DLGAP2: variants seen among roughly 807,000 people sequenced by gnomAD.
The protein encoded by DLGAP2 is DLG associated protein 2, also known as disks large-associated protein 2.
DLGAP2 carries 26 observed loss-of-function variants against 100.3 expected under a neutral mutation model. That is an observed-to-expected ratio of 0.26 (90% CI 0.19 to 0.36). The LOEUF (loss-of-function observed/expected upper bound fraction) is 0.36. Ranked by LOEUF, DLGAP2 falls within the 10% of genes least tolerant of loss-of-function variation. The probability of loss-of-function intolerance (pLI) is 1.00; values close to 1 mark genes in which losing one functional copy is unlikely to be tolerated. For synonymous variants in DLGAP2, 886 were observed against 630.1 expected, an observed-to-expected ratio of 1.41 and a Z score of -6.08; for missense variants, 1,858 against 1,453.2, an observed-to-expected ratio of 1.28 and a Z score of -4.53.
chr8:1,009,300 C>T, intron 2 of DLGAP2, among the ~76,000 whole-genome samples: 1 of 152,146 alleles, frequency 6.6e-6, no homozygotes. Flanking sequence ...TAGAATGTTC[C>T]CAGTTTCCAT....
At chr8:1,502,889 C>T (rs939624476) in intron 4 of DLGAP2, among the ~76,000 whole-genome samples, 1 of 152,120 alleles carries the variant, frequency 6.6e-6, no homozygotes, top group South Asian at 2.1e-4. Flanking sequence ...CAGGAGGTAC[C>T]TGGGGTGGTT....
At chr8:1,635,302 C>G (rs367821756) in intron 8 of DLGAP2, among the ~76,000 whole-genome samples, 1 of 152,330 alleles carries the variant, frequency 6.6e-6, no homozygotes, top group South Asian at 2.1e-4. Flanking sequence ...AAACTATCAA[C>G]ATGTACGGGA....
intron 2 of DLGAP2, among the ~76,000 whole-genome samples, chr8:1,053,853 G>T (rs192476560): frequency 3.3e-5 from 5 of 152,264 alleles, no homozygotes; most frequent in Admixed American, 6.5e-5. Flanking sequence ...ATGGATTCCT[G>T]TGCTAGTTAT....
At position 1,236,132 on chromosome 8, in the gene DLGAP2, G is replaced by A. The variant is rs529024158; in HGVS notation, c.74-22719G>A. On this transcript the variant is annotated intron_variant, in intron 2 of 14. Coordinates refer to ENST00000637795, the MANE Select transcript of DLGAP2 (RefSeq NM_001346810.2). The stretch of plus-strand genomic sequence containing the variant: ...ACCATGTCTAGTTCTCTCACATGTT[G>A]CCGTGTCTAGTTCTCTCTCACACAT... Among the ~76,000 whole-genome samples the A allele has an allele frequency of 4.0e-3, 409 of 101,544 alleles. 15 individuals carry two copies. Among genetic ancestry groups the A allele is most frequent in the African/African-American group, 0.017 (384 of 23,068 alleles). The allele number at this position is 101,544 out of a possible 152,430, so 66.6% of individuals were successfully genotyped here.
chr8:1,541,525 G>GC (rs1179522925), intron 4 of DLGAP2, among the ~76,000 whole-genome samples: 1 of 152,168 alleles, frequency 6.6e-6, no homozygotes, highest in African/African-American at 2.4e-5. Context: ...CTGAGGTATA[G>GC]CCTCGGTTTA....
Position 980,080 on chromosome 8 carries a change from G to A in DLGAP2, c.73+72114G>A, listed in dbSNP as rs187272426. Among the ~76,000 whole-genome samples the A allele has an allele frequency of 2.6e-3, 390 of 152,306 alleles. 1 individual carries two copies. The highest frequency in any genetic ancestry group is 9.0e-3 in the African/African-American group (375 of 41,568). ...GACTGGGAAAACGATAGTGCCATTCGTGCATGGGACACCAAGGCCAGACTC... is the reference window on the plus strand; with the variant it reads ...GACTGGGAAAACGATAGTGCCATTCATGCATGGGACACCAAGGCCAGACTC... On this transcript the variant is annotated intron_variant, in intron 2 of 14. Transcript: ENST00000637795.
chr8:1,700,059 G>C (rs1799523862), intron 14 of DLGAP2, among the ~76,000 whole-genome samples: 1 of 152,196 alleles, frequency 6.6e-6, no homozygotes, highest in Non-Finnish European at 1.5e-5. Context: ...AGTCAGGTAA[G>C]AGTCATTGCT....
intron 3 of DLGAP2, among the ~76,000 whole-genome samples, chr8:1,312,500 G>A (rs1800636327): frequency 6.6e-6 from 1 of 152,148 alleles, no homozygotes; most frequent in Admixed American, 6.5e-5. Context: ...AACACACATG[G>A]AGACAAGAAC....
chr8:1,514,360 T>C (rs1800286830), intron 4 of DLGAP2, among the ~76,000 whole-genome samples: 1 of 152,250 alleles, frequency 6.6e-6, no homozygotes, highest in African/African-American at 2.4e-5. Flanking sequence ...GCACACATGG[T>C]TCCTGCTTTC....
At chr8:1,228,554 C>G (rs564927477) in intron 2 of DLGAP2, among the ~76,000 whole-genome samples, 1 of 152,146 alleles carries the variant, frequency 6.6e-6, no homozygotes, top group African/African-American at 2.4e-5. Flanking sequence ...AAATCCTCCA[C>G]AAAATAACTA....
intron 2 of DLGAP2, among the ~76,000 whole-genome samples, chr8:942,978 C>G (rs139255440): frequency 6.6e-6 from 1 of 152,338 alleles, no homozygotes; most frequent in African/African-American, 2.4e-5. Context: ...ATCAGCGCTG[C>G]TCATCGGAGC....
chr8:1,698,636 A>AAACAGGTCCAAGTAAGCCATGCGTGG (rs1799475736), intron 14 of DLGAP2, among the ~76,000 whole-genome samples: 3 of 150,048 alleles, frequency 2.0e-5, no homozygotes, highest in Admixed American at 2.0e-4. Flanking sequence ...GCATGGGACT[A>AAACAGGTCCAAGTAAGCCATGCGTGG]GACAGGTCCA....
chr8:1,284,956 C>A (rs1360819087), intron 3 of DLGAP2, among the ~76,000 whole-genome samples: 1 of 152,220 alleles, frequency 6.6e-6, no homozygotes, highest in Non-Finnish European at 1.5e-5. Flanking sequence ...GCACCAGATT[C>A]TTAGGGCTCA....
At chr8:1,437,020 G>C (rs930339384) in intron 3 of DLGAP2, among the ~76,000 whole-genome samples, 2 of 152,180 alleles carry the variant, frequency 1.3e-5, no homozygotes, top group Admixed American at 1.3e-4. Flanking sequence ...GACGCCATCC[G>C]GGTCTGCGTT....
intron 2 of DLGAP2, among the ~76,000 whole-genome samples, chr8:1,244,686 C>T (rs780693014): frequency 4.6e-5 from 7 of 152,158 alleles, no homozygotes; most frequent in South Asian, 2.1e-4. Context: ...ACCGCAAGGA[C>T]GTGCATCTTT....
At chr8:822,692 A>G (rs1267570992) in intron 1 of DLGAP2, among the ~76,000 whole-genome samples, 2 of 152,186 alleles carry the variant, frequency 1.3e-5, no homozygotes, top group Admixed American at 6.5e-5. Flanking sequence ...AGTGGCTTTC[A>G]AAGAGCTTTC....
chr8:1,368,064 C>G (rs1802148758), intron 3 of DLGAP2, among the ~76,000 whole-genome samples: 1 of 152,180 alleles, frequency 6.6e-6, no homozygotes, highest in South Asian at 2.1e-4. Flanking sequence ...ACGTGCATAC[C>G]TATCACGGCG....
At chr8:1,294,526 T>C (rs1033068027) in intron 3 of DLGAP2, among the ~76,000 whole-genome samples, 1 of 152,226 alleles carries the variant, frequency 6.6e-6, no homozygotes, top group African/African-American at 2.4e-5. Context: ...TCCTGCGATT[T>C]TGTGAGCTCT....
At chr8:819,541 C>A (rs1796546643) in intron 1 of DLGAP2, among the ~76,000 whole-genome samples, 1 of 152,124 alleles carries the variant, frequency 6.6e-6, no homozygotes, top group Non-Finnish European at 1.5e-5. Flanking sequence ...AATCAAGAGA[C>A]TTATTTTCAT....
Sources: allele counts gnomAD v4.1 joint callset (sites outside exome capture counted in the v4.1 genomes callset), GRCh38; gene constraint gnomAD v4.1.1; transcripts MANE v1.5; gene names NCBI Gene and HGNC (gene_info 2026-07-23, HGNC 2026-07-21).